The following HPSE2 variants were observed in gnomAD, a reference collection of about 807,000 sequenced individuals.
The protein encoded by HPSE2 is heparanase 2 (inactive).
A neutral mutation model predicts 60.5 loss-of-function variants in HPSE2; 38 were observed. The observed-to-expected ratio is 0.63, with a 90% CI of 0.48 to 0.82. The LOEUF (loss-of-function observed/expected upper bound fraction) is 0.82, where lower values mean the gene tolerates loss of function less well. Ranked by LOEUF, HPSE2 falls within the 40% of genes least tolerant of loss-of-function variation. The probability of loss-of-function intolerance (pLI) is 0.00; values close to 1 mark genes in which losing one functional copy is unlikely to be tolerated. For missense variants in HPSE2, 713 were observed against 740.4 expected (o/e 0.96, Z 0.43); for synonymous variants, 295 against 293.2 (o/e 1.01, Z -0.06).
At chr10:99,160,508 A>C (rs1846784634) in intron 2 of HPSE2, among the ~76,000 whole-genome samples, 1 of 152,196 alleles carries the variant, frequency 6.6e-6, no homozygotes, top group African/African-American at 2.4e-5. Context: ...TTTGGAAAAC[A>C]CATTGGTAGT....
chr10:99,305,971 GCGCGCGCGCA>G, the HPSE2 span, among the ~76,000 whole-genome samples: 4 of 41,984 alleles, frequency 9.5e-5, no homozygotes, highest in Non-Finnish European at 1.9e-4. Flanking sequence ...ACGCGCGCGC[GCGCGCGCGCA>G]CACACACACA....
intron 9 of HPSE2, among the ~76,000 whole-genome samples, chr10:98,512,817 A>ACACACACACACACACACACACACACACC: frequency 6.9e-6 from 1 of 143,952 alleles, no homozygotes; most frequent in African/African-American, 2.9e-5. Flanking sequence ...CCCCCAACAC[A>ACACACACACACACACACACACACACACC]CACACACACA....
chr10:99,142,605 C>CT (rs1845901193), intron 3 of HPSE2, among the ~76,000 whole-genome samples: 1 of 152,176 alleles, frequency 6.6e-6, no homozygotes, highest in Non-Finnish European at 1.5e-5. Context: ...GAAAGAGGCT[C>CT]TTCTCTAGGG....
chr10:99,084,403 C>T (rs934103710), intron 3 of HPSE2, among the ~76,000 whole-genome samples: 13 of 152,098 alleles, frequency 8.5e-5, no homozygotes, highest in African/African-American at 2.9e-4. Flanking sequence ...TATGTGTTGG[C>T]CCCTTTCACT....
At chr10:99,166,509 T>C (rs4478917) in intron 2 of HPSE2, among the ~76,000 whole-genome samples, 14,978 of 152,228 alleles carry the variant, frequency 0.098, 782 homozygotes, top group South Asian at 0.19. Flanking sequence ...AATACAGTTA[T>C]AGGGGTATCT....
At chr10:98,948,042 G>C (rs1270705884) in intron 3 of HPSE2, among the ~76,000 whole-genome samples, 1 of 152,062 alleles carries the variant, frequency 6.6e-6, no homozygotes, top group Non-Finnish European at 1.5e-5. Flanking sequence ...GACCATTAAG[G>C]GTCATTACAC....
chr10:98,973,859 G>A (rs372192696), intron 3 of HPSE2, among the ~76,000 whole-genome samples: 1 of 141,464 alleles, frequency 7.1e-6, no homozygotes. Context: ...AGGAAAAAAA[G>A]GGGGGGGGAG....
intron 9 of HPSE2, among the ~76,000 whole-genome samples, chr10:98,578,169 G>A (rs1446199758): frequency 6.6e-6 from 1 of 152,146 alleles, no homozygotes; most frequent in African/African-American, 2.4e-5. Flanking sequence ...ACTATGCTTT[G>A]GGTCAGTTTT....
intron 3 of HPSE2, among the ~76,000 whole-genome samples, chr10:98,863,172 T>C (rs1042775772): frequency 2.5e-4 from 38 of 152,190 alleles, no homozygotes; most frequent in African/African-American, 8.9e-4. Flanking sequence ...GACCATTGGT[T>C]CCCAGAAAAA....
intron 1 of HPSE2, among the ~76,000 whole-genome samples, chr10:99,233,199 G>GCAC (rs1169361347): frequency 6.9e-6 from 1 of 144,372 alleles, no homozygotes; most frequent in Admixed American, 6.7e-5. Flanking sequence ...CTCCACTCCC[G>GCAC]CACCACCACC....
intron 3 of HPSE2, among the ~76,000 whole-genome samples, chr10:98,834,661 G>A (rs1204045448): frequency 3.3e-5 from 5 of 152,148 alleles, no homozygotes; most frequent in Non-Finnish European, 5.9e-5. Context: ...TGTAGTCTAA[G>A]AATCCTGGAT....
intron 9 of HPSE2, among the ~76,000 whole-genome samples, chr10:98,592,398 G>A (rs988974680): frequency 6.6e-6 from 1 of 152,030 alleles, no homozygotes; most frequent in South Asian, 2.1e-4. Flanking sequence ...ACTTTATTGG[G>A]TTCTCCCTCA....
chr10:98,960,721 G>A lies in HPSE2; in HGVS notation c.610+183517C>T, dbSNP rs12257051. On this transcript the variant is annotated intron_variant, in intron 3 of 11. Coordinates refer to ENST00000370552, the MANE Select transcript of HPSE2 (RefSeq NM_021828.5). ...CATTTCTTTTTTTTTTTTTTTTTTT[G>A]TTTTATTTTTTTTATTTTATTTTTT... 5.1e-3 allele frequency among the ~76,000 whole-genome samples: 261 copies of A among 51,182 alleles called. 9 individuals carry two copies. The highest frequency in any genetic ancestry group is 0.034 in the Middle Eastern group (3 of 88). The allele number at this position is 51,182 out of a possible 152,430, so 33.6% of individuals were successfully genotyped here.
chr10:98,959,358 GAAAAAAAAAA>G (rs540992148), intron 3 of HPSE2, among the ~76,000 whole-genome samples: 3 of 77,454 alleles, frequency 3.9e-5, no homozygotes, highest in African/African-American at 1.2e-4. Context: ...ACTATCTCTG[GAAAAAAAAAA>G]AAAAAAAAAA....
At chr10:98,771,890 T>C (rs1325326562) in intron 3 of HPSE2, among the ~76,000 whole-genome samples, 1 of 152,138 alleles carries the variant, frequency 6.6e-6, no homozygotes, top group Non-Finnish European at 1.5e-5. Context: ...TAAAAGAGAC[T>C]GAAGGAAGTG....
chr10:98,866,885 G>T (rs1952601047), intron 3 of HPSE2, among the ~76,000 whole-genome samples: 1 of 152,128 alleles, frequency 6.6e-6, no homozygotes, highest in Admixed American at 6.6e-5. Context: ...GTTAAAGATT[G>T]TCCTTAAGGC....
the HPSE2 span, among the ~76,000 whole-genome samples, chr10:99,304,725 G>A: frequency 7.9e-5 from 12 of 152,348 alleles, no homozygotes; most frequent in African/African-American, 2.9e-4. Context: ...TTTGGGGTAT[G>A]TGCTCACTCC....
At chr10:99,148,974 C>G (rs1156499196) in intron 2 of HPSE2, among the ~76,000 whole-genome samples, 1 of 151,826 alleles carries the variant, frequency 6.6e-6, no homozygotes. Context: ...CACTAAAGAA[C>G]TTATGCATGT....
the HPSE2 span, among the ~76,000 whole-genome samples, chr10:99,314,137 G>A: frequency 1.3e-5 from 2 of 152,262 alleles, no homozygotes; most frequent in Admixed American, 6.5e-5. Flanking sequence ...GCTCAGATGA[G>A]CTTTAGCATT....
Sources: allele counts gnomAD v4.1 joint callset (sites outside exome capture counted in the v4.1 genomes callset), GRCh38; gene constraint gnomAD v4.1.1; transcripts MANE v1.5; gene names NCBI Gene and HGNC (gene_info 2026-07-23, HGNC 2026-07-21).